Variants in CCDC7 observed in about 807,000 individuals in gnomAD.
The protein encoded by CCDC7 is coiled-coil domain-containing protein 7.
A neutral mutation model predicts 196.9 loss-of-function variants in CCDC7; 183 were observed. That is an observed-to-expected ratio of 0.93 (90% CI 0.82 to 1.05). The LOEUF is 1.05. CCDC7 is among the 50% of genes least tolerant of loss of function. CCDC7 has a pLI of 0.00. For missense variants in CCDC7, 1,540 were observed against 1,482.2 expected (o/e 1.04, Z -0.64); for synonymous variants, 525 against 484.6 (o/e 1.08, Z -1.10).
chr10:32,557,437 C>T (rs1589844198), intron 13 of CCDC7, among the ~76,000 whole-genome samples: 1 of 151,962 alleles, frequency 6.6e-6, no homozygotes, highest in South Asian at 2.1e-4. Flanking sequence ...AATATTTTGT[C>T]TACCACTTCC....
chr10:32,658,875 T>G (rs1042099889), intron 20 of CCDC7, among the ~76,000 whole-genome samples: 1 of 152,248 alleles, frequency 6.6e-6, no homozygotes, highest in Non-Finnish European at 1.5e-5. Context: ...TTTGTATTTC[T>G]GTGGTCAGTT....
At chr10:32,590,885 T>C (rs1392722362) in intron 18 of CCDC7, among the ~76,000 whole-genome samples, 1 of 152,192 alleles carries the variant, frequency 6.6e-6, no homozygotes, top group Non-Finnish European at 1.5e-5. Context: ...TACTTGTTTT[T>C]TTCCCTCTTG....
intron 21 of CCDC7, among the ~76,000 whole-genome samples, chr10:32,671,435 T>C (rs1333697160): frequency 6.6e-6 from 1 of 152,152 alleles, no homozygotes; most frequent in Non-Finnish European, 1.5e-5. Flanking sequence ...GGCTATACCA[T>C]GTAGGTTTAT....
chr10:32,494,119 A>T (rs1330497924), intron 9 of CCDC7, among the ~76,000 whole-genome samples: 1 of 152,144 alleles, frequency 6.6e-6, no homozygotes, highest in African/African-American at 2.4e-5. Flanking sequence ...TTCCAAGACC[A>T]ATGTCAAGAA....
At chr10:32,739,312 CTGTT>C (rs1440282838) in intron 28 of CCDC7, among the ~76,000 whole-genome samples, 1 of 151,822 alleles carries the variant, frequency 6.6e-6, no homozygotes, top group African/African-American at 2.4e-5. Flanking sequence ...TCTCGGTATT[CTGTT>C]TATTTTATTA....
chr10:32,879,861 A>G (rs1345285195), downstream of CCDC7, among the ~76,000 whole-genome samples: 2 of 151,846 alleles, frequency 1.3e-5, no homozygotes, highest in Admixed American at 6.6e-5. Context: ...AGCTCCAACC[A>G]TGTCCCTGCA....
rs2051850106 is a variant in CCDC7, at chr10:32,543,427, A to AT, written c.1079+45dup. The stretch of plus-strand genomic sequence containing the variant: ...CATGTTAATCTTTTTTTCCTTGTTA[A>AT]TTTATATTTTCTTTTTATACAAACA... On this transcript the variant is annotated intron_variant, in intron 12 of 41. Transcript: ENST00000639629. The AT allele has an allele frequency of 5.6e-6, 7 of 1,247,640 alleles. No individual in the cohort carries two copies. The East Asian group carries it at 2.0e-4, about 36-fold the overall frequency. 77.3% of individuals were successfully genotyped at this position (1,247,640 alleles called of 1,614,324 possible). A position where few individuals can be genotyped will look rare whatever the true frequency, so the allele number is the denominator to read the frequency against.
intron 41 of CCDC7, among the ~76,000 whole-genome samples, chr10:32,865,773 T>C (rs183005860): frequency 8.4e-4 from 127 of 151,960 alleles, no homozygotes; most frequent in African/African-American, 3.0e-3. Flanking sequence ...GTCATATGTT[T>C]GGTTTTCATC....
chr10:32,700,012 C>A (rs1156724090), intron 24 of CCDC7, among the ~76,000 whole-genome samples: 1 of 149,416 alleles, frequency 6.7e-6, no homozygotes, highest in Non-Finnish European at 1.5e-5. Context: ...GTTGCCTGTT[C>A]ACTCTGATGG....
intron 14 of CCDC7, among the ~76,000 whole-genome samples, chr10:32,567,004 C>A (rs200586710): frequency 5.9e-5 from 7 of 117,986 alleles, no homozygotes; most frequent in African/African-American, 2.2e-4. Flanking sequence ...AAAAAAATAT[C>A]TTTGTGTAAT....
intron 28 of CCDC7, among the ~76,000 whole-genome samples, chr10:32,775,770 A>G (rs2079921123): frequency 6.6e-6 from 1 of 152,226 alleles, no homozygotes; most frequent in Non-Finnish European, 1.5e-5. Flanking sequence ...TATGTCTTAA[A>G]CTATCTGCAA....
intron 38 of CCDC7, among the ~76,000 whole-genome samples, chr10:32,848,218 A>T (rs969373738): frequency 4.6e-5 from 7 of 152,304 alleles, no homozygotes; most frequent in African/African-American, 1.7e-4. Context: ...AAATCTAATA[A>T]ACATTGGTTC....
chr10:32,670,401 A>G (rs899051035), intron 21 of CCDC7, among the ~76,000 whole-genome samples: 29 of 151,210 alleles, frequency 1.9e-4, no homozygotes, highest in Non-Finnish European at 4.1e-4. Flanking sequence ...TAAATTTATT[A>G]TTATTATACT....
At chr10:32,734,724 G>A (rs982524131) in intron 28 of CCDC7, among the ~76,000 whole-genome samples, 13 of 151,888 alleles carry the variant, frequency 8.6e-5, no homozygotes, top group African/African-American at 2.2e-4. Context: ...GTAAAACCCC[G>A]TCTCCATTAA....
intron 23 of CCDC7, among the ~76,000 whole-genome samples, chr10:32,693,852 T>G (rs1480688204): frequency 8.5e-5 from 13 of 152,166 alleles, no homozygotes; most frequent in African/African-American, 3.1e-4. Context: ...TGATATGGCA[T>G]AGCATTCTGT....
intron 24 of CCDC7, among the ~76,000 whole-genome samples, chr10:32,696,537 A>G (rs1273676300): frequency 6.6e-6 from 1 of 151,462 alleles, no homozygotes; most frequent in Non-Finnish European, 1.5e-5. Context: ...TCTCTAATTC[A>G]TTTCAAAATT....
intron 9 of CCDC7, among the ~76,000 whole-genome samples, chr10:32,517,740 G>T (rs1362219016): frequency 1.3e-5 from 2 of 151,346 alleles, no homozygotes; most frequent in African/African-American, 4.9e-5. Context: ...CCTGCACGTT[G>T]TGTACATGTA....
At chr10:32,613,638 A>T (rs564392549) in intron 18 of CCDC7, among the ~76,000 whole-genome samples, 176 of 152,230 alleles carry the variant, frequency 1.2e-3, no homozygotes, top group Non-Finnish European at 2.0e-3. Context: ...GTTTCCAAGA[A>T]CTTATTTATT....
At chr10:32,511,013 A>C (rs1215439426) in intron 9 of CCDC7, among the ~76,000 whole-genome samples, 1 of 151,612 alleles carries the variant, frequency 6.6e-6, no homozygotes, top group Non-Finnish European at 1.5e-5. Context: ...ATTTCACTTA[A>C]ATTTCACAGC....
Sources: allele counts gnomAD v4.1 joint callset (sites outside exome capture counted in the v4.1 genomes callset), GRCh38; gene constraint gnomAD v4.1.1; transcripts MANE v1.5; gene names NCBI Gene and HGNC (gene_info 2026-07-23, HGNC 2026-07-21).